Variants in CEP192 observed in about 807,000 individuals in gnomAD.
CEP192 encodes the protein centrosomal protein of 192 kDa.
A neutral mutation model predicts 271.8 loss-of-function variants in CEP192; 151 were observed. That is an observed-to-expected ratio of 0.56 (90% CI 0.49 to 0.64). CEP192 has a LOEUF of 0.64. Among genes scored for constraint, CEP192 ranks in the 30% least tolerant of loss-of-function variants. The pLI, the probability that CEP192 is intolerant of heterozygous loss-of-function variation, is 0.00. For missense variants in CEP192, 2,910 were observed against 3,020.5 expected, an observed-to-expected ratio of 0.96 and a Z score of 0.86; for synonymous variants, 995 against 1,076.5, an observed-to-expected ratio of 0.92 and a Z score of 1.48.
intron 34 of CEP192, among the ~76,000 whole-genome samples, chr18:13,093,832 A>G (rs2039263301): frequency 6.6e-6 from 1 of 152,246 alleles, no homozygotes; most frequent in Non-Finnish European, 1.5e-5. Flanking sequence ...ACATCTTGCA[A>G]AAAGCATTCC....
chr18:13,012,488 C>A (rs1029718884), intron 4 of CEP192, among the ~76,000 whole-genome samples: 1 of 152,166 alleles, frequency 6.6e-6, no homozygotes, highest in Admixed American at 6.5e-5. Flanking sequence ...ATTAACACAG[C>A]TAACGAGCTT....
At chr18:13,108,529 A>G (rs1388871223) in intron 40 of CEP192, among the ~76,000 whole-genome samples, 1 of 152,240 alleles carries the variant, frequency 6.6e-6, no homozygotes, top group African/African-American at 2.4e-5. Flanking sequence ...GAAGACATAC[A>G]AGCAGCCAAC....
intron 15 of CEP192, among the ~76,000 whole-genome samples, chr18:13,048,418 A>G (rs2036594650): frequency 6.6e-6 from 1 of 152,222 alleles, no homozygotes; most frequent in Non-Finnish European, 1.5e-5. Flanking sequence ...CCAAAGTGCA[A>G]GAGTAGTGTT....
At position 13,113,676 on chromosome 18, in the gene CEP192, C is replaced by T. The variant is rs1568439331; in HGVS notation, c.7138C>T (p.His2380Tyr). ...CCCTCTTAAGGAGCCTCACATGAAA[C>T]ACACGTTGAGATTCCAACTCTCTGG... is the stretch of plus-strand genomic sequence containing the variant. ...CHPLKEPHMKHTLRFQLSGQS... is the reference protein window; with the variant it reads ...CHPLKEPHMKYTLRFQLSGQS... The change falls in exon 41 of 45, where the codon CAC (histidine) becomes TAC (tyrosine). Residue 2380 changes from histidine (H) to tyrosine (Y), a missense_variant. By Grantham distance (83) the His-to-Tyr change is moderately conservative. Coordinates refer to ENST00000506447, the MANE Select transcript of CEP192 (RefSeq NM_032142.4). The T allele has an allele frequency of 3.1e-6, 5 of 1,613,214 alleles. No homozygotes were observed. The highest frequency in any genetic ancestry group is 4.2e-6 in the Non-Finnish European group (5 of 1,179,432).
intron 3 of CEP192, among the ~76,000 whole-genome samples, chr18:13,006,272 A>G (rs2033974505): frequency 7.1e-6 from 1 of 141,038 alleles, no homozygotes; most frequent in Admixed American, 7.1e-5. Flanking sequence ...TCTTTTTTTG[A>G]CCTTTTTTTT....
chr18:13,030,634 A>ATAATTTTCACTGTTTCAATGTTTAT (rs1317405213), intron 11 of CEP192, 26 bp downstream of exon 11: 2 of 1,548,044 alleles, frequency 1.3e-6, no homozygotes, highest in African/African-American at 2.7e-5. Flanking sequence ...AACATTTATT[A>ATAATTTTCACTGTTTCAATGTTTAT]TAACATTTTC....
chr18:13,090,617 C>T (rs765963820), intron 33 of CEP192, among the ~76,000 whole-genome samples: 23 of 152,092 alleles, frequency 1.5e-4, no homozygotes, highest in Non-Finnish European at 2.6e-4. Context: ...TCTAGATCAT[C>T]TGCTCAAAGG....
At chr18:13,078,033 A>G (rs1461814118) in intron 30 of CEP192, among the ~76,000 whole-genome samples, 2 of 152,112 alleles carry the variant, frequency 1.3e-5, no homozygotes, top group African/African-American at 4.8e-5. Flanking sequence ...TTTGCTGCAC[A>G]CATCTACCCG....
intron 40 of CEP192, among the ~76,000 whole-genome samples, chr18:13,111,193 C>T (rs1469241357): frequency 2.6e-5 from 4 of 152,290 alleles, no homozygotes; most frequent in East Asian, 1.9e-4. Context: ...GGTTCAATCT[C>T]GTCTCACTGC....
rs536932659 is a variant in CEP192 at position 13,030,534 on chromosome 18, A to C, written c.1460A>C (p.Tyr487Ser). 5.4e-4 allele frequency: 871 copies of C among 1,612,050 alleles called. 1 individual carries two copies. The highest frequency in any genetic ancestry group is 7.2e-4 in the Non-Finnish European group (848 of 1,178,458). Residue 487 changes from tyrosine to serine, a missense_variant, in exon 11 of 45, where the codon TAC becomes TCC. Tyr to Ser is a moderately radical substitution (Grantham distance 144, BLOSUM62 -2). Coordinates refer to ENST00000506447, the MANE Select transcript of CEP192 (RefSeq NM_032142.4). Reference protein sequence around the residue: ...EGRWVTDLAYYTSFNSKQNLN... With the variant: ...EGRWVTDLAYSTSFNSKQNLN... ...AGGTGGGTCACAGACCTTGCCTATT[A>C]CACATCTTTTAATAGCAAACAAAAT...
At position 13,059,327 on chromosome 18, in the gene CEP192, A is replaced by G. The variant is rs16940075; in HGVS notation, c.4488+15A>G. The stretch of plus-strand genomic sequence containing the variant: ...CTGTTATTGAGGTACCTGTTTGAAA[A>G]TGAATCTTTGTCATACCTGGCATTT... On this transcript the variant is annotated intron_variant, in intron 21 of 44. Transcript: ENST00000506447. The G allele has an allele frequency of 0.043, 67,958 of 1,597,282 alleles. 2,215 individuals carry two copies. The highest frequency in any genetic ancestry group is 0.18 in the East Asian group (8,032 of 44,744).
At chr18:13,063,107 T>G (rs1042413204) in intron 21 of CEP192, among the ~76,000 whole-genome samples, 1 of 152,238 alleles carries the variant, frequency 6.6e-6, no homozygotes, top group Non-Finnish European at 1.5e-5. Flanking sequence ...ATGTACCACG[T>G]TTTCTTTATC....
intron 9 of CEP192, among the ~76,000 whole-genome samples, chr18:13,029,260 A>G (rs1568304002): frequency 6.6e-6 from 1 of 152,278 alleles, no homozygotes; most frequent in Admixed American, 6.5e-5. Context: ...CTATTAAAAG[A>G]TATTAATATC....
At chr18:13,121,591 G>A (rs1031884251) in intron 44 of CEP192, among the ~76,000 whole-genome samples, 1 of 152,174 alleles carries the variant, frequency 6.6e-6, no homozygotes, top group Non-Finnish European at 1.5e-5. Flanking sequence ...TCTTGTAAAG[G>A]TTCTTTTTTG....
chr18:13,011,780 G>A (rs527524932), intron 4 of CEP192, among the ~76,000 whole-genome samples: 2 of 152,146 alleles, frequency 1.3e-5, no homozygotes, highest in Non-Finnish European at 2.9e-5. Context: ...CACCTGCCTC[G>A]GCCTCCCAGA....
chr18:13,041,635 GGCTCACTGCAA>G (rs2036212528), intron 14 of CEP192, among the ~76,000 whole-genome samples: 1 of 147,800 alleles, frequency 6.8e-6, no homozygotes, highest in East Asian at 2.0e-4. Flanking sequence ...GCGTGATCTC[GGCTCACTGCAA>G]TCTCCACCTC....
chr18:13,121,983 C>G (rs1388833416), intron 44 of CEP192, among the ~76,000 whole-genome samples: 1 of 152,204 alleles, frequency 6.6e-6, no homozygotes, highest in African/African-American at 2.4e-5. Flanking sequence ...TCTGTGGAAA[C>G]TGTTCCTTTA....
At chr18:12,995,383 A>G (rs537310858) in intron 1 of CEP192, among the ~76,000 whole-genome samples, 1 of 152,262 alleles carries the variant, frequency 6.6e-6, no homozygotes, top group South Asian at 2.1e-4. Flanking sequence ...GATTTTGAAC[A>G]TGTTTATGGA....
At chr18:13,120,282 T>C (rs752166153) in intron 44 of CEP192, among the ~76,000 whole-genome samples, 1 of 152,232 alleles carries the variant, frequency 6.6e-6, no homozygotes, top group Non-Finnish European at 1.5e-5. Context: ...AATGAGAAAC[T>C]CAAATTTTAT....
Sources: allele counts gnomAD v4.1 joint callset (sites outside exome capture counted in the v4.1 genomes callset), GRCh38; gene constraint gnomAD v4.1.1; transcripts MANE v1.5; gene names NCBI Gene and HGNC (gene_info 2026-07-23, HGNC 2026-07-21).